Variants in RAD51B observed in about 807,000 individuals in gnomAD.
The protein encoded by RAD51B is RAD51 paralog B, also known as DNA repair protein RAD51 homolog 2.
In RAD51B, 38 loss-of-function variants were observed where a neutral mutation model predicts 42.2. That is an observed-to-expected ratio of 0.90 (90% CI 0.70 to 1.18). The LOEUF (loss-of-function observed/expected upper bound fraction) is 1.18. Among genes scored for constraint, RAD51B ranks in the 50% most tolerant of loss-of-function variants. The probability of loss-of-function intolerance (pLI) is 0.00; values close to 1 mark genes in which losing one functional copy is unlikely to be tolerated. For missense variants in RAD51B, 373 were observed against 400.7 expected (o/e 0.93, Z 0.59); for synonymous variants, 154 against 145.2 (o/e 1.06, Z -0.43).
At chr14:68,139,234 A>C (rs2078075057) in intron 7 of RAD51B, among the ~76,000 whole-genome samples, 1 of 152,020 alleles carries the variant, frequency 6.6e-6, no homozygotes, top group Non-Finnish European at 1.5e-5. Flanking sequence ...TTTATTACTA[A>C]AATTTCAAAA....
chr14:68,092,215 G>GT (rs1203244816), intron 7 of RAD51B, among the ~76,000 whole-genome samples: 3 of 152,270 alleles, frequency 2.0e-5, no homozygotes, highest in Admixed American at 6.5e-5. Context: ...CTGTAAAGTA[G>GT]TTTTTTCCAA....
At chr14:68,175,158 A>G (rs1242181044) in intron 7 of RAD51B, among the ~76,000 whole-genome samples, 9 of 152,160 alleles carry the variant, frequency 5.9e-5, no homozygotes, top group South Asian at 2.1e-4. Context: ...TTGCATTTCT[A>G]TCTTTCCATC....
chr14:68,458,083 A>G (rs2085749387), intron 9 of RAD51B, among the ~76,000 whole-genome samples: 1 of 152,218 alleles, frequency 6.6e-6, no homozygotes, highest in Non-Finnish European at 1.5e-5. Context: ...TTGAAATGTA[A>G]TAACAACCAG....
intron 7 of RAD51B, among the ~76,000 whole-genome samples, chr14:68,021,777 TCTA>T (rs1328509914): frequency 6.6e-6 from 1 of 152,194 alleles, no homozygotes; most frequent in African/African-American, 2.4e-5. Context: ...TGTACGGTAG[TCTA>T]CTAAGTGTAT....
chr14:68,342,901 A>G (rs879348151), intron 8 of RAD51B, among the ~76,000 whole-genome samples: 2 of 151,894 alleles, frequency 1.3e-5, no homozygotes, highest in African/African-American at 2.4e-5. Flanking sequence ...TGTTGGTCCC[A>G]AATCCACTCA....
At chr14:67,930,658 A>G (rs913534098) in intron 7 of RAD51B, among the ~76,000 whole-genome samples, 5 of 152,090 alleles carry the variant, frequency 3.3e-5, no homozygotes, top group South Asian at 4.1e-4. Flanking sequence ...CTTGAATACA[A>G]TGTGTCATGG....
chr14:67,829,764 A>G (rs906767604), intron 3 of RAD51B, among the ~76,000 whole-genome samples: 2 of 152,172 alleles, frequency 1.3e-5, no homozygotes, highest in Non-Finnish European at 1.5e-5. Flanking sequence ...GAACAAGTTT[A>G]TACAGTCCAG....
intron 9 of RAD51B, among the ~76,000 whole-genome samples, chr14:68,453,172 T>C (rs2085600580): frequency 2.0e-5 from 3 of 152,250 alleles, no homozygotes; most frequent in Admixed American, 2.0e-4. Flanking sequence ...TGCCTGCACT[T>C]TAATGTGGAG....
At chr14:67,855,746 G>T (rs1374653506) in intron 4 of RAD51B, among the ~76,000 whole-genome samples, 1 of 152,124 alleles carries the variant, frequency 6.6e-6, no homozygotes, top group African/African-American at 2.4e-5. Flanking sequence ...TTGCTCATGG[G>T]TCTCCATGTC....
intron 8 of RAD51B, among the ~76,000 whole-genome samples, chr14:68,318,628 G>T (rs113926524): frequency 1.3e-5 from 2 of 152,178 alleles, no homozygotes; most frequent in Non-Finnish European, 2.9e-5. Context: ...TCTACCTACC[G>T]TGTGGCCTTG....
At chr14:68,649,557 T>A (rs962583909) in intron 10 of RAD51B, among the ~76,000 whole-genome samples, 1 of 152,230 alleles carries the variant, frequency 6.6e-6, no homozygotes, top group Non-Finnish European at 1.5e-5. Flanking sequence ...TTTTCAAGTC[T>A]AGGTTCCCCT....
At chr14:68,497,281 C>T (rs1348557352) in intron 10 of RAD51B, 8 of 1,292,090 alleles carry the variant, frequency 6.2e-6, no homozygotes, top group Middle Eastern at 2.1e-4. Context: ...TGTGTAGACT[C>T]AGCTTAAGTC....
intron 7 of RAD51B, among the ~76,000 whole-genome samples, chr14:68,133,884 T>C (rs2077954695): frequency 6.6e-6 from 1 of 152,140 alleles, no homozygotes; most frequent in South Asian, 2.1e-4. Context: ...GTCATATATA[T>C]CCTTCACCCA....
intron 9 of RAD51B, among the ~76,000 whole-genome samples, chr14:68,445,001 C>T (rs1182947894): frequency 1.3e-5 from 2 of 151,886 alleles, no homozygotes; most frequent in African/African-American, 4.8e-5. Context: ...CCTCGGGGAG[C>T]TCTCTGGCTC....
rs985166393 is a variant in RAD51B, at chr14:67,922,397, T to G, written c.756+35193T>G. Among the ~76,000 whole-genome samples the G allele has an allele frequency of 9.9e-5, 15 of 152,222 alleles. No homozygotes were observed. The East Asian group carries it at 2.3e-3, about 23-fold the overall frequency. ...TACCCCTTAACATCTTGTTAGATTA[T>G]GAATAGGTAAGTTTAGGAAATATTA... is the stretch of plus-strand genomic sequence containing the variant. On this transcript the variant is annotated intron_variant, in intron 7 of 10. Transcript: ENST00000471583.
intron 10 of RAD51B, among the ~76,000 whole-genome samples, chr14:68,603,795 C>T (rs1224399330): frequency 6.6e-6 from 1 of 152,224 alleles, no homozygotes; most frequent in East Asian, 1.9e-4. Context: ...CGCCTTGGGC[C>T]GCTCCTTCAG....
intron 10 of RAD51B, among the ~76,000 whole-genome samples, chr14:68,623,736 A>G (rs926587297): frequency 6.6e-6 from 1 of 152,182 alleles, no homozygotes; most frequent in Non-Finnish European, 1.5e-5. Context: ...CAGATATGCT[A>G]ATAAGGCAGA....
intron 10 of RAD51B, among the ~76,000 whole-genome samples, chr14:68,501,829 G>T (rs1566916112): frequency 6.6e-6 from 1 of 152,272 alleles, no homozygotes. Flanking sequence ...CAGGCATGGG[G>T]TGGGCTGTGA....
intron 9 of RAD51B, among the ~76,000 whole-genome samples, chr14:68,453,468 G>A (rs2085607697): frequency 6.6e-6 from 1 of 152,140 alleles, no homozygotes; most frequent in Non-Finnish European, 1.5e-5. Flanking sequence ...ACAGCAGATT[G>A]GTTTAAAATT....
Sources: gnomAD v4.1 joint callset for allele counts (sites outside exome capture counted in the v4.1 genomes callset) on GRCh38, gnomAD v4.1.1 for gene constraint, MANE v1.5 for transcripts, NCBI Gene and HGNC (gene_info 2026-07-23, HGNC 2026-07-21) for gene names.